Variants in KCNH6 observed in about 807,000 individuals in gnomAD.
The protein encoded by KCNH6 is potassium voltage-gated channel subfamily H member 6.
Under a neutral mutation model 83.4 loss-of-function variants are expected in KCNH6, and 81 were observed. The observed-to-expected ratio is 0.97, with a 90% CI of 0.81 to 1.17. The LOEUF (loss-of-function observed/expected upper bound fraction) is 1.17. Among genes scored for constraint, KCNH6 ranks in the 50% most tolerant of loss-of-function variants. KCNH6 has a pLI of 0.00. For missense variants in KCNH6, 1,203 were observed against 1,290.5 expected (o/e 0.93, Z 1.04); for synonymous variants, 503 against 545.6 (o/e 0.92, Z 1.09).
intron 9 of KCNH6, among the ~76,000 whole-genome samples, 179 bp from the exon 10 acceptor site, chr17:63,543,397 G>C (rs1388374699): frequency 6.6e-6 from 1 of 152,074 alleles, no homozygotes; most frequent in Non-Finnish European, 1.5e-5. Flanking sequence ...GACAGGAGGG[G>C]TGTGGTCTCT....
intron 8 of KCNH6, among the ~76,000 whole-genome samples, chr17:63,541,733 CCAAG>C (rs2032873514): frequency 6.6e-6 from 1 of 152,156 alleles, no homozygotes; most frequent in Admixed American, 6.5e-5. Context: ...AGTAACTTCC[CCAAG>C]CTTCCTTCAC....
rs376964987 is a variant in KCNH6, at chr17:63,538,250, A to T, written c.1687A>T (p.Ile563Phe). The change falls in exon 7 of 13, where the codon ATT (isoleucine) becomes TTT (phenylalanine). Residue 563 changes from isoleucine to phenylalanine, a missense_variant. Coordinates refer to ENST00000314672, the MANE Select transcript of KCNH6 (RefSeq NM_001278919.2). The surrounding 1 kb of genome is among the most constrained non-coding windows in gnomAD (Gnocchi z 4.0). ...GCACGCCTGGTCCTACACCAATGGC[A>T]TTGACATGAACGCGGTGAGCCCCGC... ...FQHAWSYTNG[I>F]DMNAVLKGFP... 2 of 1,614,046 alleles carry T rather than the reference A, an allele frequency of 1.2e-6. No homozygotes were observed. The highest frequency in any genetic ancestry group is 4.5e-5 in the East Asian group (2 of 44,856).
intron 1 of KCNH6, 94 bp from the exon 2 acceptor site, chr17:63,524,045 C>A: frequency 2.3e-6 from 2 of 861,886 alleles, no homozygotes; most frequent in South Asian, 1.4e-5. Flanking sequence ...TGCCTAAATT[C>A]CCCTTACTGC....
chr17:63,538,321 G>A lies in KCNH6; in HGVS notation c.1701+57G>A, dbSNP rs1199023548. 1.2e-6 allele frequency: 2 copies of A among 1,609,496 alleles called. No individual in the cohort carries two copies. The highest frequency in any genetic ancestry group is 4.5e-5 in the East Asian group (2 of 44,818). On this transcript the variant is annotated intron_variant, in intron 7 of 12. Transcript: ENST00000314672. The surrounding 1 kb of genome is among the most constrained non-coding windows in gnomAD (Gnocchi z 4.0). ...GCGTGGGGGGGAGCCAAGATCCTGCGGGGGCGGGGCGTCCCCAGAGCCCTC... is the reference window on the plus strand; with the variant it reads ...GCGTGGGGGGGAGCCAAGATCCTGCAGGGGCGGGGCGTCCCCAGAGCCCTC...
At chr17:63,537,217 C>T (rs1419172490) in intron 6 of KCNH6, among the ~76,000 whole-genome samples, 1 of 152,156 alleles carries the variant, frequency 6.6e-6, no homozygotes, top group African/African-American at 2.4e-5. Flanking sequence ...AATCCCAGCC[C>T]AGGGGTTCAG....
chr17:63,531,488 T>A (rs1273659111), intron 4 of KCNH6, among the ~76,000 whole-genome samples: 1 of 152,266 alleles, frequency 6.6e-6, no homozygotes, highest in Non-Finnish European at 1.5e-5. Context: ...CCAGCTTTCC[T>A]GGGGCTGTCC....
rs886576138 is a variant in KCNH6, at chr17:63,542,023, G to A, written c.1955-218G>A. The stretch of plus-strand genomic sequence containing the variant: ...AGACAGTGAGAGGAGCCACACGCCG[G>A]ATCTCTGTGCCGCTCAAAGGACACA... On this transcript the variant is annotated intron_variant, in intron 8 of 12. Transcript: ENST00000314672. 4.6e-5 allele frequency among the ~76,000 whole-genome samples: 7 copies of A among 152,164 alleles called. 1 individual carries two copies. Among genetic ancestry groups the A allele is most frequent in the African/African-American group, 1.7e-4 (7 of 41,446 alleles).
rs560196120 is a variant in KCNH6, at chr17:63,534,267, G to A, written c.1057G>A (p.Ala353Thr). 86 of 1,613,918 alleles carry A rather than the reference G, an allele frequency of 5.3e-5. No homozygotes were observed. Among genetic ancestry groups the A allele is most frequent in the Middle Eastern group, 1.6e-4 (1 of 6,084 alleles). ...CTGGTTCCTCATTGACATGGTGGCC[G>A]CCATCCCTTTCGACCTCCTGATCTT... ...KGWFLIDMVA[A>T]IPFDLLIFRT... Residue 353 changes from alanine to threonine, a missense_variant, in exon 5 of 13, where the codon GCC becomes ACC. Transcript: ENST00000314672. This position sits in a 1 kb window ranked among gnomAD's most constrained non-coding sequence, Gnocchi z 5.0.
Position 63,533,315 on chromosome 17 carries a change from G to T in KCNH6, c.676-571G>T, listed in dbSNP as rs1291112365. Among the ~76,000 whole-genome samples, 1 of 152,120 alleles carries T rather than the reference G, an allele frequency of 6.6e-6. No individual in the cohort carries two copies. The highest frequency in any genetic ancestry group is 2.4e-5 in the African/African-American group (1 of 41,420). On this transcript the variant is annotated intron_variant, in intron 4 of 12. Coordinates refer to ENST00000314672, the MANE Select transcript of KCNH6 (RefSeq NM_001278919.2). The surrounding 1 kb of genome is among the most constrained non-coding windows in gnomAD (Gnocchi z 4.1). Reference sequence around the variant, plus strand: ...GTGCCCAGGACCCGTTGAGGGTCCAGGTTGGCTACACCCCTACCCCATGGA... The same window carrying T: ...GTGCCCAGGACCCGTTGAGGGTCCATGTTGGCTACACCCCTACCCCATGGA...
chr17:63,536,149 T>C (rs1315669782), intron 6 of KCNH6, 81 bp downstream of exon 6: 2 of 1,261,846 alleles, frequency 1.6e-6, no homozygotes, highest in Non-Finnish European at 2.3e-6. Context: ...TGTACTGAGA[T>C]AGAACATAAC....
At chr17:63,525,455 G>A (rs1381295537) in intron 2 of KCNH6, among the ~76,000 whole-genome samples, 1 of 152,228 alleles carries the variant, frequency 6.6e-6, no homozygotes, top group African/African-American at 2.4e-5. Flanking sequence ...GAAGTCCCCA[G>A]GGAAGGCAGG....
chr17:63,546,251 A>AT lies in KCNH6; in HGVS notation c.*349_*350insT. On this transcript the variant is annotated 3_prime_UTR_variant, in exon 13 of 13. Transcript: ENST00000314672. ...TGAGACTCCAACTCAAAAAAAAAAA[A>AT]AAAAAAGATCTTGGGGAGGCAGACA... is the stretch of plus-strand genomic sequence containing the variant. 6.1e-6 allele frequency: 1 copy of AT among 163,500 alleles called. No individual in the cohort carries two copies. Among genetic ancestry groups the AT allele is most frequent in the East Asian group, 1.7e-4 (1 of 5,838 alleles). 10.1% of individuals were successfully genotyped at this position (163,500 alleles called of 1,614,324 possible). A position where few individuals can be genotyped will look rare whatever the true frequency, so the allele number is the denominator to read the frequency against.
At position 63,538,337 on chromosome 17, in the gene KCNH6, C is replaced by T. The variant is rs1439398830; in HGVS notation, c.1701+73C>T. ...AGATCCTGCGGGGGCGGGGCGTCCC[C>T]AGAGCCCTCACCACCCTCTCCCCCA... On this transcript the variant is annotated intron_variant, in intron 7 of 12. Coordinates refer to ENST00000314672, the MANE Select transcript of KCNH6 (RefSeq NM_001278919.2). This position sits in a 1 kb window ranked among gnomAD's most constrained non-coding sequence, Gnocchi z 4.0. 1.9e-6 allele frequency: 3 copies of T among 1,604,582 alleles called. No homozygotes were observed. The highest frequency in any genetic ancestry group is 1.1e-5 in the South Asian group (1 of 90,778).
chr17:63,538,568 G>T lies in KCNH6; in HGVS notation c.1860G>T (p.Thr620=). 1.9e-6 allele frequency: 3 copies of T among 1,612,900 alleles called. No homozygotes were observed. Among genetic ancestry groups the T allele is most frequent in the South Asian group, 1.1e-5 (1 of 90,966 alleles). ...CCACCCACGCGCCGCCTGGGGACAC[G>T]CTGGTGCACCTCGGCGACGTGCTCT... The part of the protein sequence containing the change: ...FKTTHAPPGD[T]LVHLGDVLST... The change falls in exon 8 of 13, where the codon ACG becomes ACT. Residue 620 remains threonine (T), a synonymous_variant. Transcript: ENST00000314672. This position sits in a 1 kb window ranked among gnomAD's most constrained non-coding sequence, Gnocchi z 4.0.
At chr17:63,527,792 C>A (rs1264042337) in intron 2 of KCNH6, among the ~76,000 whole-genome samples, 1 of 152,106 alleles carries the variant, frequency 6.6e-6, no homozygotes, top group Non-Finnish European at 1.5e-5. Context: ...GCAAGGACAA[C>A]CTGGGGCAGG....
rs151022524 is a variant in KCNH6, at chr17:63,545,608, G to C, written c.2584-1G>C. 1.2e-6 allele frequency: 2 copies of C among 1,611,694 alleles called. No individual in the cohort carries two copies. Among genetic ancestry groups the C allele is most frequent in the Non-Finnish European group, 1.7e-6 (2 of 1,178,540 alleles). ...GCATCCCTCTTTCTTGCTCCTCCCA[G>C]ACCCCAAGCTATGGAGACTTGGATG... is the stretch of plus-strand genomic sequence containing the variant. On this transcript the variant is annotated splice_acceptor_variant, in intron 12 of 12. Transcript: ENST00000314672. LOFTEE classifies it high-confidence loss of function.
chr17:63,533,909 G>A lies in KCNH6; in HGVS notation c.699G>A (p.Val233=). 6.2e-7 allele frequency: 1 copy of A among 1,613,590 alleles called. No individual in the cohort carries two copies. Among genetic ancestry groups the A allele is most frequent in the Non-Finnish European group, 8.5e-7 (1 of 1,179,748 alleles). The change falls in exon 5 of 13, where the codon GTG becomes GTA. Residue 233 remains valine (V), a synonymous_variant. Transcript: ENST00000314672. The surrounding 1 kb of genome is among the most constrained non-coding windows in gnomAD (Gnocchi z 4.1). ...VTQVLSLGAD[V]LPEYKLQAPR... is the part of the protein sequence containing the mutation. ...AGGTCCTGTCCCTGGGCGCGGATGTGCTGCCGGAGTACAAGCTGCAGGCGC... is the reference window on the plus strand; with the variant it reads ...AGGTCCTGTCCCTGGGCGCGGATGTACTGCCGGAGTACAAGCTGCAGGCGC...
intron 10 of KCNH6, chr17:63,543,894 C>T: frequency 1.5e-6 from 1 of 655,736 alleles, no homozygotes; most frequent in South Asian, 1.9e-5. Flanking sequence ...AATGCAACCC[C>T]CAGGGGTGTA....
In KCNH6 at chr17:63,535,372, C is replaced by T. The variant is rs1192994143; in HGVS notation, c.1102-297C>T. ...CCTGTCTGTCTGGAGCCCTAGCCTC[C>T]TCTCTCCAGGCTCAGCTCATGCGTC... On this transcript the variant is annotated intron_variant, in intron 5 of 12. Transcript: ENST00000314672. This position sits in a 1 kb window ranked among gnomAD's most constrained non-coding sequence, Gnocchi z 4.9. Among the ~76,000 whole-genome samples, 1 of 152,194 alleles carries T rather than the reference C, an allele frequency of 6.6e-6. No individual in the cohort carries two copies. Among genetic ancestry groups the T allele is most frequent in the Non-Finnish European group, 1.5e-5 (1 of 68,036 alleles).
Sources: gnomAD v4.1 joint callset for allele counts (sites outside exome capture counted in the v4.1 genomes callset) on GRCh38, gnomAD v4.1.1 for gene constraint, Gnocchi (gnomAD v3.1) non-coding constraint, MANE v1.5 for transcripts, NCBI Gene and HGNC (gene_info 2026-07-23, HGNC 2026-07-21) for gene names.